The following IGF1 variants were observed in gnomAD, a reference collection of about 807,000 sequenced individuals.
IGF1 encodes insulin like growth factor 1.
In IGF1, 4 loss-of-function variants were observed where a neutral mutation model predicts 13.8. The observed-to-expected ratio is 0.29, with a 90% CI of 0.14 to 0.66. IGF1 has a LOEUF of 0.66. Among genes scored for constraint, IGF1 ranks in the 30% least tolerant of loss-of-function variants. IGF1 has a pLI of 0.78. For missense variants in IGF1, 124 were observed against 188.5 expected (o/e 0.66, Z 2.00); for synonymous variants, 76 against 72.6 (o/e 1.05, Z -0.23).
chr12:102,468,852 T>C (rs1029442844), intron 2 of IGF1, among the ~76,000 whole-genome samples: 2 of 152,212 alleles, frequency 1.3e-5, no homozygotes, highest in Non-Finnish European at 2.9e-5. Flanking sequence ...GACATCTCCT[T>C]GGGAGAGACC....
At chr12:102,478,996 C>T (rs1881245823) in intron 1 of IGF1, among the ~76,000 whole-genome samples, 1 of 152,230 alleles carries the variant, frequency 6.6e-6, no homozygotes, top group South Asian at 2.1e-4. Context: ...AAGAGCTCCA[C>T]TTCTGAAGTG....
chr12:102,476,410 T>TGAGAGAGAGAGAGAGAGAGAGAGA lies in IGF1; in HGVS notation c.64-635_64-612dup, dbSNP rs36047405. Among the ~76,000 whole-genome samples, 63 of 139,120 alleles carry TGAGAGAGAGAGAGAGAGAGAGAGA rather than the reference T, an allele frequency of 4.5e-4. 2 individuals carry two copies. Among genetic ancestry groups the TGAGAGAGAGAGAGAGAGAGAGAGA allele is most frequent in the Non-Finnish European group, 6.0e-4 (38 of 63,330 alleles). 91.3% of individuals were successfully genotyped at this position (139,120 alleles called of 152,430 possible). On this transcript the variant is annotated intron_variant, in intron 1 of 3. Transcript: ENST00000337514. ...TTGTTTTTGTTTTGTTTCCTCAATA[T>TGAGAGAGAGAGAGAGAGAGAGAGA]GAGAGAGAGAGAGAGAGAGAGAGAG...
chr12:102,433,677 T>G (rs1301533865), intron 2 of IGF1, among the ~76,000 whole-genome samples: 1 of 152,180 alleles, frequency 6.6e-6, no homozygotes, highest in Non-Finnish European at 1.5e-5. Flanking sequence ...TTAGAAGCAC[T>G]ACACTGGGCA....
chr12:102,397,178 G>A lies in IGF1; in HGVS notation c.*5329C>T, dbSNP rs998192098. On this transcript the variant is annotated 3_prime_UTR_variant, in exon 4 of 4. Transcript: ENST00000337514. ...GATCATGCCACTGCACTCCAGCCTG[G>A]GGGACAGTGCGAGACCCCATCTCAC... 17 of 237,528 alleles carry A rather than the reference G, an allele frequency of 7.2e-5. No homozygotes were observed. Among genetic ancestry groups the A allele is most frequent in the African/African-American group, 3.8e-4 (17 of 44,416 alleles). 14.7% of individuals were successfully genotyped at this position (237,528 alleles called of 1,614,324 possible).
rs946582750 is a variant in IGF1, at chr12:102,398,007, T to G, written c.*4500A>C. ...GAGTCTATGTGGGTTTAACTTATTATTCCTCATTCTGATATAAAAAAAGAA... is the reference window on the plus strand; with the variant it reads ...GAGTCTATGTGGGTTTAACTTATTAGTCCTCATTCTGATATAAAAAAAGAA... On this transcript the variant is annotated 3_prime_UTR_variant, in exon 4 of 4. Coordinates refer to ENST00000337514, the MANE Select transcript of IGF1 (RefSeq NM_000618.5). The G allele has an allele frequency of 6.6e-6, 1 of 152,036 alleles. No homozygotes were observed. Among genetic ancestry groups the G allele is most frequent in the Non-Finnish European group, 1.5e-5 (1 of 67,946 alleles). The allele number at this position is 152,036 out of a possible 1,614,324, so 9.4% of individuals were successfully genotyped here. A position where few individuals can be genotyped will look rare whatever the true frequency, so the allele number is the denominator to read the frequency against.
intron 3 of IGF1, among the ~76,000 whole-genome samples, chr12:102,403,226 T>A (rs937892192): frequency 1.3e-5 from 2 of 152,140 alleles, no homozygotes; most frequent in African/African-American, 4.8e-5. Context: ...AATATCTACC[T>A]TATAGGATCA....
upstream of IGF1, among the ~76,000 whole-genome samples, chr12:102,480,979 A>T (rs1025200953): frequency 1.3e-5 from 2 of 152,190 alleles, no homozygotes; most frequent in African/African-American, 4.8e-5. Context: ...AGAAAGGACG[A>T]TAAGACCCTC....
chr12:102,468,548 G>T (rs1880478130), intron 2 of IGF1, among the ~76,000 whole-genome samples: 1 of 152,226 alleles, frequency 6.6e-6, no homozygotes, highest in African/African-American at 2.4e-5. Context: ...TTAGGGAATT[G>T]CTTGTCAAAT....
At chr12:102,465,829 C>T (rs970862759) in intron 2 of IGF1, among the ~76,000 whole-genome samples, 3 of 151,896 alleles carry the variant, frequency 2.0e-5, no homozygotes, top group East Asian at 1.9e-4. Context: ...CCCAGCTACT[C>T]GGGAGGCTGA....
At chr12:102,443,995 T>C (rs897319241) in intron 2 of IGF1, among the ~76,000 whole-genome samples, 1 of 151,826 alleles carries the variant, frequency 6.6e-6, no homozygotes, top group Non-Finnish European at 1.5e-5. Flanking sequence ...GTCTGGCTAA[T>C]TGTTGTATTT....
intron 3 of IGF1, among the ~76,000 whole-genome samples, chr12:102,418,898 A>G (rs5742687): frequency 8.9e-4 from 135 of 152,282 alleles, no homozygotes; most frequent in African/African-American, 3.1e-3. Flanking sequence ...AGAAATTTCT[A>G]TTTTTAATGT....
At chr12:102,409,949 G>A (rs2136962091) in intron 3 of IGF1, among the ~76,000 whole-genome samples, 1 of 152,330 alleles carries the variant, frequency 6.6e-6, no homozygotes, top group Non-Finnish European at 1.5e-5. Context: ...CTGGCTGAAT[G>A]TGGGGAAACA....
chr12:102,400,539 A>G lies in IGF1; in HGVS notation c.*1968T>C, dbSNP rs1740694173. ...TTTCAACTGGAAACTCTAGTCAAGCATATTTTAACAAACTTTTAAAAAAAT... is the reference window on the plus strand; with the variant it reads ...TTTCAACTGGAAACTCTAGTCAAGCGTATTTTAACAAACTTTTAAAAAAAT... On this transcript the variant is annotated 3_prime_UTR_variant, in exon 4 of 4. Coordinates refer to ENST00000337514, the MANE Select transcript of IGF1 (RefSeq NM_000618.5). 6.6e-6 allele frequency: 1 copy of G among 152,222 alleles called. No homozygotes were observed. The highest frequency in any genetic ancestry group is 6.5e-5 in the Admixed American group (1 of 15,282). The allele number at this position is 152,222 out of a possible 1,614,324, so 9.4% of individuals were successfully genotyped here.
At chr12:102,420,865 C>A (rs1236308597) in intron 2 of IGF1, among the ~76,000 whole-genome samples, 3 of 152,204 alleles carry the variant, frequency 2.0e-5, no homozygotes, top group Non-Finnish European at 4.4e-5. Flanking sequence ...ATTTATTAAT[C>A]TGACATGTAT....
intron 2 of IGF1, among the ~76,000 whole-genome samples, chr12:102,432,346 C>G (rs1288361210): frequency 6.6e-6 from 1 of 152,172 alleles, no homozygotes; most frequent in Non-Finnish European, 1.5e-5. Flanking sequence ...TTAACTAATG[C>G]AGCAATAAAT....
intron 2 of IGF1, among the ~76,000 whole-genome samples, chr12:102,421,129 G>A (rs1331113044): frequency 6.6e-6 from 1 of 152,158 alleles, no homozygotes. Context: ...GCTTGGCACA[G>A]GACCCTGGTG....
At chr12:102,456,586 G>A (rs1281806654) in intron 2 of IGF1, among the ~76,000 whole-genome samples, 17 of 151,952 alleles carry the variant, frequency 1.1e-4, no homozygotes, top group Admixed American at 1.1e-3. Context: ...TTCTCTGTGG[G>A]AGATCTTCCC....
chr12:102,459,951 A>G (rs935840996), intron 2 of IGF1, among the ~76,000 whole-genome samples: 1 of 152,310 alleles, frequency 6.6e-6, no homozygotes, highest in Admixed American at 6.5e-5. Context: ...GTTAATATCC[A>G]ACGAGATCTT....
intron 2 of IGF1, among the ~76,000 whole-genome samples, chr12:102,460,328 C>T (rs986388680): frequency 1.3e-5 from 2 of 152,114 alleles, no homozygotes. Context: ...TCATTTCTTT[C>T]ATCATTAGTT....
Sources: gnomAD v4.1 joint callset for allele counts (sites outside exome capture counted in the v4.1 genomes callset) on GRCh38, gnomAD v4.1.1 for gene constraint, MANE v1.5 for transcripts, NCBI Gene and HGNC (gene_info 2026-07-23, HGNC 2026-07-21) for gene names.